IPPK: variants seen among roughly 807,000 people sequenced by gnomAD.
IPPK encodes the protein IPK1 homolog.
IPPK carries 22 observed loss-of-function variants against 64.6 expected under a neutral mutation model. The ratio of observed to expected loss-of-function variants is 0.34; its 90% CI spans 0.24 to 0.49. The LOEUF is 0.49. Ranked by LOEUF, IPPK falls within the 20% of genes least tolerant of loss-of-function variation. The probability of loss-of-function intolerance (pLI) is 0.99; values close to 1 mark genes in which losing one functional copy is unlikely to be tolerated. For synonymous variants in IPPK, 262 were observed against 247.2 expected (o/e 1.06, Z -0.56); for missense variants, 532 against 630.7 (o/e 0.84, Z 1.68).
Position 92,658,080 on chromosome 9 carries a change from C to T in IPPK, c.129+554G>A, listed in dbSNP as rs573266365. On this transcript the variant is annotated intron_variant, in intron 2 of 12. Coordinates refer to ENST00000287996, the MANE Select transcript of IPPK (RefSeq NM_022755.6). ...CTGAATGCAGGAAGCCTCCGCGACT[C>T]GGTATGCACCCCAGGACCAACAGAG... 5.3e-5 allele frequency among the ~76,000 whole-genome samples: 8 copies of T among 152,310 alleles called. No homozygotes were observed. In the South Asian group the frequency reaches 1.5e-3, roughly 28 times the overall value.
intron 11 of IPPK, among the ~76,000 whole-genome samples, chr9:92,627,794 G>A (rs182979580): frequency 5.9e-5 from 9 of 152,302 alleles, no homozygotes; most frequent in African/African-American, 2.2e-4. Context: ...GAACAAATCA[G>A]GGATGTCTAC....
chr9:92,635,149 C>T lies in IPPK; in HGVS notation c.1067+9G>A, dbSNP rs773725144. On this transcript the variant is annotated intron_variant, in intron 10 of 12. Transcript: ENST00000287996. This position sits in a 1 kb window ranked among gnomAD's most constrained non-coding sequence, Gnocchi z 4.4. Reference sequence around the variant, plus strand: ...AGGGCTGCCCAACAGGGGGACCGCCCGACCTCACCTCTCCTCGGGAAACTC... The same window carrying T: ...AGGGCTGCCCAACAGGGGGACCGCCTGACCTCACCTCTCCTCGGGAAACTC... 6.8e-6 allele frequency: 11 copies of T among 1,607,386 alleles called. No homozygotes were observed. Among genetic ancestry groups the T allele is most frequent in the South Asian group, 6.6e-5 (6 of 90,692 alleles).
chr9:92,655,364 G>A (rs1852351170), intron 3 of IPPK, among the ~76,000 whole-genome samples: 1 of 152,172 alleles, frequency 6.6e-6, no homozygotes, highest in Non-Finnish European at 1.5e-5. Context: ...ACGCTCACCT[G>A]CAGGGCAAGC....
At chr9:92,634,333 T>G in intron 11 of IPPK, 53 bp downstream of exon 11, 15 of 1,238,242 alleles carry the variant, frequency 1.2e-5, no homozygotes, top group Non-Finnish European at 1.8e-5. Context: ...AAAAACAGAT[T>G]AGTGCTAAGA....
rs912566879 is a variant in IPPK, at chr9:92,635,250, G to A, written c.975C>T (p.Leu325=). 5.0e-6 allele frequency: 8 copies of A among 1,614,070 alleles called. No individual in the cohort carries two copies. Among genetic ancestry groups the A allele is most frequent in the Non-Finnish European group, 6.8e-6 (8 of 1,180,026 alleles). Residue 325 remains leucine (L), a synonymous_variant, in exon 10 of 13, where the codon CTC becomes CTT. Coordinates refer to ENST00000287996, the MANE Select transcript of IPPK (RefSeq NM_022755.6). This position sits in a 1 kb window ranked among gnomAD's most constrained non-coding sequence, Gnocchi z 4.4. ...LPKGCLLYKT[L]QVQMLDLLDI... ...CCAGCAGGTCCAACATCTGCACCTG[G>A]AGGGTTTTGTACAGAAGACAGCCCT...
At chr9:92,638,974 A>AG (rs986084874) in intron 8 of IPPK, among the ~76,000 whole-genome samples, 2 of 152,240 alleles carry the variant, frequency 1.3e-5, no homozygotes, top group African/African-American at 4.8e-5. Context: ...GATGCTGCCC[A>AG]GGGGAAAGGC....
Position 92,635,915 on chromosome 9 carries a change from T to C in IPPK, c.917-607A>G, listed in dbSNP as rs1202604852. ...CCATGAGCCCACACTGAGAGGCAGG[T>C]AAGACCTGGGCTGGCGACAGGCACG... On this transcript the variant is annotated intron_variant, in intron 9 of 12. Transcript: ENST00000287996. The surrounding 1 kb of genome is among the most constrained non-coding windows in gnomAD (Gnocchi z 4.4). Among the ~76,000 whole-genome samples the C allele has an allele frequency of 6.6e-6, 1 of 151,998 alleles. No individual in the cohort carries two copies. Among genetic ancestry groups the C allele is most frequent in the African/African-American group, 2.4e-5 (1 of 41,386 alleles).
At chr9:92,636,356 T>A (rs1851942968) in intron 9 of IPPK, among the ~76,000 whole-genome samples, 7 of 152,156 alleles carry the variant, frequency 4.6e-5, no homozygotes, top group Admixed American at 4.6e-4. Flanking sequence ...GCATGTGATC[T>A]CCAGGCGCCG....
At chr9:92,648,011 T>C (rs1408747835) in intron 6 of IPPK, 48 bp downstream of exon 6, 1 of 1,339,902 alleles carries the variant, frequency 7.5e-7, no homozygotes. Flanking sequence ...TCAGCCCAGA[T>C]CCCCAGCGTG....
Position 92,615,772 on chromosome 9 carries a change from T to C in IPPK, c.*60A>G, listed in dbSNP as rs1851409195. The C allele has an allele frequency of 7.3e-7, 1 of 1,373,788 alleles. No homozygotes were observed. Among genetic ancestry groups the C allele is most frequent in the East Asian group, 2.3e-5 (1 of 43,554 alleles). 85.1% of individuals were successfully genotyped at this position (1,373,788 alleles called of 1,614,324 possible). A position where few individuals can be genotyped will look rare whatever the true frequency, so the allele number is the denominator to read the frequency against. ...AAAGGTCACCCAACACAACAGAAAA[T>C]ATCTCTATCATTCAGCCTTCACATT... On this transcript the variant is annotated 3_prime_UTR_variant, in exon 13 of 13. Transcript: ENST00000287996.
chr9:92,669,137 C>T (rs1207533734), intron 1 of IPPK, among the ~76,000 whole-genome samples: 1 of 152,128 alleles, frequency 6.6e-6, no homozygotes, highest in Non-Finnish European at 1.5e-5. Flanking sequence ...TGCTCTAACT[C>T]CTCCCTACAT....
chr9:92,660,477 T>C (rs1024963561), intron 1 of IPPK, among the ~76,000 whole-genome samples: 4 of 152,192 alleles, frequency 2.6e-5, no homozygotes, highest in Non-Finnish European at 5.9e-5. Flanking sequence ...CTGCGGCATC[T>C]ACAGGAAAGC....
chr9:92,640,601 T>TG (rs1852028058), intron 8 of IPPK, 109 bp downstream of exon 8: 1 of 783,820 alleles, frequency 1.3e-6, no homozygotes. Flanking sequence ...CCAAAGGGGA[T>TG]GTCAGACACA....
rs1049747450 is a variant in IPPK at position 92,639,927 on chromosome 9, GGCAGCAGGACGCCAGCCATGT to G, written c.636+762_636+782del. Among the ~76,000 whole-genome samples, 5 of 152,288 alleles carry G rather than the reference GGCAGCAGGACGCCAGCCATGT, an allele frequency of 3.3e-5. No homozygotes were observed. The East Asian group carries it at 9.7e-4, about 29-fold the overall frequency. ...CCCACTGCTGAGAGGCAGCCAGCCG[GGCAGCAGGACGCCAGCCATGT>G]GCAGCAGCGAGGAGAGGGGCCAGGG... On this transcript the variant is annotated intron_variant, in intron 8 of 12. Transcript: ENST00000287996.
Position 92,626,558 on chromosome 9 carries a change from C to G in IPPK, c.1171-6993G>C, listed in dbSNP as rs181432863. On this transcript the variant is annotated intron_variant, in intron 11 of 12. Coordinates refer to ENST00000287996, the MANE Select transcript of IPPK (RefSeq NM_022755.6). ...CAAAGATATGAAAAATATGAAAGAG[C>G]AGTTAAGATGTGTGGGAGATAAAAT... Among the ~76,000 whole-genome samples, 1,296 of 152,132 alleles carry G rather than the reference C, an allele frequency of 8.5e-3. 7 individuals carry two copies. Among genetic ancestry groups the G allele is most frequent in the Non-Finnish European group, 0.013 (857 of 68,000 alleles).
chr9:92,634,704 G>A lies in IPPK; in HGVS notation c.1068-216C>T, dbSNP rs1227473467. Among the ~76,000 whole-genome samples the A allele has an allele frequency of 2.0e-5, 3 of 152,188 alleles. No individual in the cohort carries two copies. In the East Asian group the frequency reaches 5.8e-4, roughly 29 times the overall value. On this transcript the variant is annotated intron_variant, in intron 10 of 12. Transcript: ENST00000287996. ...GAGCCTTGAAGCTGAGCCTTCTCCT[G>A]TTCATGACAAGTAGCATCCTGCGTC... is the stretch of plus-strand genomic sequence containing the variant.
intron 12 of IPPK, chr9:92,616,868 A>G (rs1851456327): frequency 6.6e-6 from 1 of 152,234 alleles, no homozygotes; most frequent in African/African-American, 2.4e-5. Flanking sequence ...GTCCAAGAGA[A>G]GTATCCTGGG....
intron 11 of IPPK, among the ~76,000 whole-genome samples, chr9:92,633,545 T>A (rs572478836): frequency 6.6e-6 from 1 of 152,062 alleles, no homozygotes; most frequent in Non-Finnish European, 1.5e-5. Context: ...ATTTTTCTTT[T>A]GTAGAGATGG....
chr9:92,619,417 T>G, intron 12 of IPPK, 69 bp downstream of exon 12: 1 of 1,263,076 alleles, frequency 7.9e-7, no homozygotes, highest in Admixed American at 2.0e-5. Flanking sequence ...ACTATCCTAT[T>G]AACAATTCAC....
Sources: gnomAD v4.1 joint callset for allele counts (sites outside exome capture counted in the v4.1 genomes callset) on GRCh38, gnomAD v4.1.1 for gene constraint, Gnocchi (gnomAD v3.1) non-coding constraint, MANE v1.5 for transcripts, NCBI Gene and HGNC (gene_info 2026-07-23, HGNC 2026-07-21) for gene names.